The following NOX4 variants were observed in gnomAD, a reference collection of about 807,000 sequenced individuals.
NOX4 encodes kidney oxidase-1.
In NOX4, 69 loss-of-function variants were observed where a neutral mutation model predicts 87.6. The ratio of observed to expected loss-of-function variants is 0.79; its 90% CI spans 0.65 to 0.96. NOX4 has a LOEUF of 0.96. Among genes scored for constraint, NOX4 ranks in the 40% least tolerant of loss-of-function variants. The pLI is 0.00. For missense variants in NOX4, 680 were observed against 681.5 expected (o/e 1.00, Z 0.02); for synonymous variants, 275 against 238.2 (o/e 1.15, Z -1.42).
Position 89,409,658 on chromosome 11 carries a change from A to G in NOX4, c.630-7116T>C, listed in dbSNP as rs181559223. On this transcript the variant is annotated intron_variant, in intron 8 of 17. Coordinates refer to ENST00000263317, the MANE Select transcript of NOX4 (RefSeq NM_016931.5). ...ACTATAGAGAAATACTACTTTTTAC[A>G]TAAAATTTAAAAATCCAATGAATAA... Among the ~76,000 whole-genome samples the G allele has an allele frequency of 1.1e-4, 17 of 152,320 alleles. No individual in the cohort carries two copies. In the East Asian group the frequency reaches 3.3e-3, roughly 29 times the overall value.
intron 14 of NOX4, 149 bp from the exon 15 acceptor site, chr11:89,340,320 T>C (rs1051547362): frequency 5.1e-6 from 3 of 591,034 alleles, no homozygotes; most frequent in Admixed American, 3.4e-5. Flanking sequence ...ATTTACATTC[T>C]AGCGTCTGAT....
At chr11:89,456,628 G>A (rs954125625) in intron 2 of NOX4, among the ~76,000 whole-genome samples, 4 of 152,138 alleles carry the variant, frequency 2.6e-5, no homozygotes, top group Non-Finnish European at 2.9e-5. Flanking sequence ...CAACTCCTGC[G>A]GAATGAGCTA....
At chr11:89,574,532 C>A in the NOX4 span, among the ~76,000 whole-genome samples, 2 of 152,132 alleles carry the variant, frequency 1.3e-5, no homozygotes, top group African/African-American at 4.8e-5. Flanking sequence ...TTGTTTAGCT[C>A]TTTGTTATGC....
the NOX4 span, among the ~76,000 whole-genome samples, chr11:89,525,421 T>C: frequency 6.6e-6 from 1 of 152,108 alleles, no homozygotes; most frequent in African/African-American, 2.4e-5. Context: ...CTAATGGATA[T>C]GTAATGTACC....
At chr11:89,514,401 G>C in the NOX4 span, among the ~76,000 whole-genome samples, 1 of 151,840 alleles carries the variant, frequency 6.6e-6, no homozygotes, top group Non-Finnish European at 1.5e-5. Context: ...TTTCACAGAT[G>C]CCTTAGGATT....
chr11:89,423,167 G>A (rs1051901522), intron 7 of NOX4, among the ~76,000 whole-genome samples: 4 of 152,000 alleles, frequency 2.6e-5, no homozygotes, highest in African/African-American at 9.7e-5. Flanking sequence ...CCTTTTTAAT[G>A]CTTTTAATAC....
intron 11 of NOX4, among the ~76,000 whole-genome samples, chr11:89,374,884 C>T (rs1565211274): frequency 6.6e-6 from 1 of 152,106 alleles, no homozygotes; most frequent in Non-Finnish European, 1.5e-5. Context: ...TCCAAGACTT[C>T]AGAGCTCACT....
At chr11:89,432,576 A>C (rs536984837) in intron 7 of NOX4, among the ~76,000 whole-genome samples, 10 of 152,224 alleles carry the variant, frequency 6.6e-5, no homozygotes, top group African/African-American at 2.4e-4. Flanking sequence ...GTCTCCATAC[A>C]CAATTTCTTA....
intron 2 of NOX4, among the ~76,000 whole-genome samples, chr11:89,471,911 T>C (rs1227904546): frequency 6.6e-6 from 1 of 152,158 alleles, no homozygotes; most frequent in Non-Finnish European, 1.5e-5. Flanking sequence ...CCTGCTAATT[T>C]CTTGTGTTTT....
the NOX4 span, among the ~76,000 whole-genome samples, chr11:89,517,657 C>T: frequency 2.0e-5 from 3 of 150,920 alleles, no homozygotes; most frequent in African/African-American, 4.9e-5. Context: ...ATTTTAAAAA[C>T]ATTTTTGTAG....
intron 8 of NOX4, among the ~76,000 whole-genome samples, chr11:89,417,443 CA>C (rs1942845380): frequency 6.6e-6 from 1 of 151,914 alleles, no homozygotes; most frequent in Non-Finnish European, 1.5e-5. Context: ...AGCAACCTCC[CA>C]AAAAGGTATA....
intron 7 of NOX4, among the ~76,000 whole-genome samples, chr11:89,427,424 T>C (rs981752190): frequency 6.6e-6 from 1 of 152,146 alleles, no homozygotes; most frequent in African/African-American, 2.4e-5. Context: ...CAAACTTCTC[T>C]GAGCTAAAGG....
chr11:89,572,383 A>G, the NOX4 span, among the ~76,000 whole-genome samples: 1 of 152,348 alleles, frequency 6.6e-6, no homozygotes, highest in Admixed American at 6.5e-5. Flanking sequence ...CTCTAGCTCA[A>G]CTAAATTGTG....
At chr11:89,556,509 T>C in the NOX4 span, among the ~76,000 whole-genome samples, 3,997 of 116,324 alleles carry the variant, frequency 0.034, 140 homozygotes, top group African/African-American at 0.11. Context: ...GGTGAAAGGG[T>C]GAAACTCCAT....
intron 2 of NOX4, among the ~76,000 whole-genome samples, chr11:89,473,862 CAA>C (rs1443920343): frequency 6.6e-6 from 1 of 152,026 alleles, no homozygotes; most frequent in African/African-American, 2.4e-5. Flanking sequence ...GCTATCAATT[CAA>C]AGAGAAAGAA....
At chr11:89,364,214 A>T (rs1591028806) in intron 12 of NOX4, among the ~76,000 whole-genome samples, 1 of 151,978 alleles carries the variant, frequency 6.6e-6, no homozygotes, top group South Asian at 2.1e-4. Flanking sequence ...GCTACTGCAC[A>T]CCAGCCTAGG....
chr11:89,513,882 T>A, the NOX4 span, among the ~76,000 whole-genome samples: 2 of 152,060 alleles, frequency 1.3e-5, no homozygotes, highest in African/African-American at 2.4e-5. Context: ...ATATCATTTT[T>A]AAAAATAATA....
At chr11:89,349,653 G>T (rs1946372909) in intron 13 of NOX4, among the ~76,000 whole-genome samples, 2 of 152,156 alleles carry the variant, frequency 1.3e-5, no homozygotes, top group African/African-American at 2.4e-5. Flanking sequence ...TGTCATAAAT[G>T]ATATTCCTCT....
the NOX4 span, among the ~76,000 whole-genome samples, chr11:89,566,718 A>T: frequency 6.6e-6 from 1 of 152,154 alleles, no homozygotes; most frequent in Non-Finnish European, 1.5e-5. Context: ...GAAATCATTA[A>T]GAGTGGAAAA....
Sources: gnomAD v4.1 joint callset for allele counts (sites outside exome capture counted in the v4.1 genomes callset) on GRCh38, gnomAD v4.1.1 for gene constraint, MANE v1.5 for transcripts, NCBI Gene and HGNC (gene_info 2026-07-23, HGNC 2026-07-21) for gene names.